Variants in THSD4 observed in about 807,000 individuals in gnomAD.
THSD4 encodes the protein thrombospondin type-1 domain-containing protein 4.
THSD4 carries 69 observed loss-of-function variants against 119.0 expected under a neutral mutation model. The ratio of observed to expected loss-of-function variants is 0.58; its 90% CI spans 0.48 to 0.71. The LOEUF (loss-of-function observed/expected upper bound fraction) is 0.71, where lower values mean the gene tolerates loss of function less well. Ranked by LOEUF, THSD4 falls within the 30% of genes least tolerant of loss-of-function variation. THSD4 has a pLI of 0.00. For missense variants in THSD4, 1,393 were observed against 1,391.1 expected (o/e 1.00, Z -0.02); for synonymous variants, 524 against 540.4 (o/e 0.97, Z 0.42).
intron 14 of THSD4, among the ~76,000 whole-genome samples, chr15:71,752,563 G>A (rs2053466734): frequency 6.6e-6 from 1 of 152,170 alleles, no homozygotes; most frequent in Non-Finnish European, 1.5e-5. Context: ...TAGATGAGTG[G>A]GAAGGGAGTA....
chr15:71,699,150 G>C (rs1451754817), intron 8 of THSD4, among the ~76,000 whole-genome samples: 1 of 150,858 alleles, frequency 6.6e-6, no homozygotes, highest in Admixed American at 6.6e-5. Context: ...TTATGGCATA[G>C]ATTGTGGTGA....
At chr15:71,223,188 T>C (rs2140257183) in intron 4 of THSD4, among the ~76,000 whole-genome samples, 1 of 152,260 alleles carries the variant, frequency 6.6e-6, no homozygotes, top group Admixed American at 6.5e-5. Flanking sequence ...GATGCCAAAC[T>C]CAAGGGTCAG....
At chr15:71,529,950 A>G (rs2140809684) in intron 7 of THSD4, among the ~76,000 whole-genome samples, 1 of 152,290 alleles carries the variant, frequency 6.6e-6, no homozygotes, top group South Asian at 2.1e-4. Flanking sequence ...ATGAACATGA[A>G]TTATCACATT....
At chr15:71,396,322 A>G (rs562032431) in intron 6 of THSD4, among the ~76,000 whole-genome samples, 74 of 152,292 alleles carry the variant, frequency 4.9e-4, no homozygotes, top group Admixed American at 3.4e-3. Flanking sequence ...ACACATACCT[A>G]TACGTATACA....
intron 6 of THSD4, among the ~76,000 whole-genome samples, chr15:71,326,566 A>G (rs1027131085): frequency 8.2e-5 from 12 of 146,458 alleles, no homozygotes; most frequent in South Asian, 6.8e-4. Context: ...AATCCCAGCT[A>G]CTCAGGATGA....
rs556119406 is a variant in THSD4, at chr15:71,274,326, C to T, written c.1015+17611C>T. On this transcript the variant is annotated intron_variant, in intron 6 of 17. Transcript: ENST00000261862. ...GAATTGTTGAAATTGAAATGTAACACGCAAGTATCATTCATTCCTCCTTCT... is the reference window on the plus strand; with the variant it reads ...GAATTGTTGAAATTGAAATGTAACATGCAAGTATCATTCATTCCTCCTTCT... Among the ~76,000 whole-genome samples, 6 of 152,316 alleles carry T rather than the reference C, an allele frequency of 3.9e-5. No individual in the cohort carries two copies. In the East Asian group the frequency reaches 7.7e-4, roughly 20 times the overall value.
intron 6 of THSD4, among the ~76,000 whole-genome samples, chr15:71,327,081 C>T (rs969099254): frequency 4.6e-5 from 7 of 151,050 alleles, no homozygotes; most frequent in African/African-American, 1.7e-4. Flanking sequence ...ACGGGAGAAT[C>T]GCTTGAACCC....
intron 7 of THSD4, among the ~76,000 whole-genome samples, chr15:71,607,863 G>T (rs2050137922): frequency 6.6e-6 from 1 of 152,160 alleles, no homozygotes; most frequent in Non-Finnish European, 1.5e-5. Flanking sequence ...TGTGCCTGCT[G>T]TCTAACAGTC....
chr15:71,155,326 G>A (rs946471474), intron 3 of THSD4, among the ~76,000 whole-genome samples: 4 of 152,120 alleles, frequency 2.6e-5, no homozygotes, highest in Non-Finnish European at 5.9e-5. Flanking sequence ...GATCTCATGA[G>A]AACTCTTTAT....
intron 7 of THSD4, among the ~76,000 whole-genome samples, chr15:71,614,288 A>G (rs549753928): frequency 6.6e-6 from 1 of 152,310 alleles, no homozygotes; most frequent in African/African-American, 2.4e-5. Flanking sequence ...TTCGGCCACC[A>G]TTACTCTTGA....
chr15:71,438,802 G>C (rs373040051), intron 7 of THSD4, among the ~76,000 whole-genome samples: 3 of 152,172 alleles, frequency 2.0e-5, no homozygotes, highest in Non-Finnish European at 4.4e-5. Context: ...TGCTTTGCTC[G>C]GGGCTAATGC....
At chr15:71,508,186 G>T (rs1166006163) in intron 7 of THSD4, among the ~76,000 whole-genome samples, 1 of 152,096 alleles carries the variant, frequency 6.6e-6, no homozygotes, top group East Asian at 1.9e-4. Flanking sequence ...GTTTGCACCA[G>T]AGCCCAACCT....
chr15:71,198,497 A>G lies in THSD4; in HGVS notation c.100-16538A>G, dbSNP rs1327456901. On this transcript the variant is annotated intron_variant, in intron 3 of 17. Coordinates refer to ENST00000261862, the MANE Select transcript of THSD4 (RefSeq NM_024817.3). ...AATTCTTGCATATCAGGCTGGGAGG[A>G]CCTTCAGGGGTCACCCATTCCTCCC... 2.6e-5 allele frequency among the ~76,000 whole-genome samples: 4 copies of G among 152,100 alleles called. No individual in the cohort carries two copies. In the East Asian group the frequency reaches 7.7e-4, roughly 29 times the overall value.
intron 6 of THSD4, among the ~76,000 whole-genome samples, chr15:71,316,105 A>G (rs1017215262): frequency 6.6e-6 from 1 of 152,172 alleles, no homozygotes. Flanking sequence ...GTTAGCCTGT[A>G]TGGAAATCTG....
At chr15:71,433,556 A>G (rs1225511748) in intron 7 of THSD4, among the ~76,000 whole-genome samples, 4 of 151,364 alleles carry the variant, frequency 2.6e-5, no homozygotes, top group African/African-American at 9.7e-5. Context: ...GAGATACTGG[A>G]CATAGACACC....
At chr15:71,666,039 G>T (rs1471386381) in intron 8 of THSD4, among the ~76,000 whole-genome samples, 1 of 152,090 alleles carries the variant, frequency 6.6e-6, no homozygotes, top group Admixed American at 6.6e-5. Context: ...GTTCTGTGAA[G>T]AATTTCATTG....
intron 3 of THSD4, among the ~76,000 whole-genome samples, chr15:71,202,245 C>T (rs1232842556): frequency 3.9e-5 from 6 of 152,102 alleles, no homozygotes; most frequent in Non-Finnish European, 8.8e-5. Context: ...GCCTTGTCAC[C>T]CAAATCTCTT....
rs551531772 is a variant in THSD4, at chr15:71,377,656, C to T, written c.1016-34031C>T. 8.4e-4 allele frequency among the ~76,000 whole-genome samples: 128 copies of T among 152,134 alleles called. 3 individuals carry two copies. In the South Asian group the frequency reaches 0.025, roughly 30 times the overall value. ...GGCCTGCCTGTGGGTTTAGAGACAA[C>T]ACCCAGGGTGCAGTGGGCCATTCTG... On this transcript the variant is annotated intron_variant, in intron 6 of 17. Transcript: ENST00000261862.
At chr15:71,216,694 A>G (rs1040446786) in intron 4 of THSD4, among the ~76,000 whole-genome samples, 4 of 152,246 alleles carry the variant, frequency 2.6e-5, no homozygotes, top group Non-Finnish European at 5.9e-5. Context: ...CTCTTTCTAC[A>G]TGGGAACCTG....
Sources: allele counts gnomAD v4.1 joint callset (sites outside exome capture counted in the v4.1 genomes callset), GRCh38; gene constraint gnomAD v4.1.1; transcripts MANE v1.5; gene names NCBI Gene and HGNC (gene_info 2026-07-23, HGNC 2026-07-21).